The following ZNF385B variants were observed in gnomAD, a reference collection of about 807,000 sequenced individuals.
ZNF385B encodes the protein zinc finger protein 385B.
Under a neutral mutation model 39.2 loss-of-function variants are expected in ZNF385B, and 23 were observed. The observed-to-expected ratio is 0.59, with a 90% CI of 0.42 to 0.83. The LOEUF (loss-of-function observed/expected upper bound fraction) is 0.83. Ranked by LOEUF, ZNF385B falls within the 40% of genes least tolerant of loss-of-function variation. The pLI, the probability that ZNF385B is intolerant of heterozygous loss-of-function variation, is 0.00. For missense variants in ZNF385B, 552 were observed against 598.9 expected, an observed-to-expected ratio of 0.92 and a Z score of 0.82; for synonymous variants, 205 against 222.6, an observed-to-expected ratio of 0.92 and a Z score of 0.70.
intron 3 of ZNF385B, among the ~76,000 whole-genome samples, chr2:179,694,426 A>G (rs1698568735): frequency 6.6e-6 from 1 of 152,076 alleles, no homozygotes; most frequent in African/African-American, 2.4e-5. Flanking sequence ...ATTCCAGCAA[A>G]TTATGAAATT....
Position 179,719,887 on chromosome 2 carries a change from C to T in ZNF385B, c.298+49616G>A, listed in dbSNP as rs189000472. Reference sequence around the variant, plus strand: ...CCTGTGAATGTATTTTCCAAGTCCCCGCAAGGTATACACTCAGTTAAGAGG... The same window carrying T: ...CCTGTGAATGTATTTTCCAAGTCCCTGCAAGGTATACACTCAGTTAAGAGG... On this transcript the variant is annotated intron_variant, in intron 3 of 9. Transcript: ENST00000410066. Among the ~76,000 whole-genome samples the T allele has an allele frequency of 2.4e-4, 36 of 152,236 alleles. No individual in the cohort carries two copies. In the East Asian group the frequency reaches 6.2e-3, roughly 26 times the overall value.
At chr2:179,744,438 C>T (rs1462986842) in intron 3 of ZNF385B, among the ~76,000 whole-genome samples, 2 of 151,946 alleles carry the variant, frequency 1.3e-5, no homozygotes, top group African/African-American at 4.8e-5. Flanking sequence ...AACGAGAAAC[C>T]ATGTGCTCAG....
At chr2:179,630,240 T>G (rs1035635376) in intron 3 of ZNF385B, among the ~76,000 whole-genome samples, 1 of 152,238 alleles carries the variant, frequency 6.6e-6, no homozygotes, top group Non-Finnish European at 1.5e-5. Flanking sequence ...CTGTGCAGCC[T>G]AACTGGGAGA....
chr2:179,733,954 A>G (rs1253008123), intron 3 of ZNF385B, among the ~76,000 whole-genome samples: 1 of 152,094 alleles, frequency 6.6e-6, no homozygotes, highest in East Asian at 1.9e-4. Context: ...TCCTTCCCCC[A>G]TATGTATGTA....
intron 6 of ZNF385B, among the ~76,000 whole-genome samples, chr2:179,468,175 T>A (rs2052305089): frequency 6.6e-6 from 1 of 152,184 alleles, no homozygotes; most frequent in Non-Finnish European, 1.5e-5. Flanking sequence ...ACTATCTCCA[T>A]GTTGAAAGCT....
intron 1 of ZNF385B, among the ~76,000 whole-genome samples, chr2:179,808,725 T>C (rs1306154275): frequency 6.6e-6 from 1 of 152,240 alleles, no homozygotes; most frequent in South Asian, 2.1e-4. Context: ...GAGCATCTGT[T>C]ACTGTGTCTA....
chr2:179,476,733 A>G (rs1325108143), intron 6 of ZNF385B, among the ~76,000 whole-genome samples: 7 of 152,142 alleles, frequency 4.6e-5, no homozygotes, highest in African/African-American at 1.7e-4. Flanking sequence ...AGGCAGTTCT[A>G]TTTTTTTAAG....
chr2:179,691,645 AT>A (rs1698363285), intron 3 of ZNF385B, among the ~76,000 whole-genome samples: 1 of 152,196 alleles, frequency 6.6e-6, no homozygotes, highest in Non-Finnish European at 1.5e-5. Flanking sequence ...TGAAGTTTCA[AT>A]GAGTCTAGTA....
chr2:179,449,624 A>T (rs2049875312), intron 6 of ZNF385B, among the ~76,000 whole-genome samples: 1 of 152,178 alleles, frequency 6.6e-6, no homozygotes, highest in African/African-American at 2.4e-5. Flanking sequence ...ATGGAAGAAC[A>T]TTCCATGCTC....
chr2:179,454,976 G>C (rs2050522484), intron 6 of ZNF385B, among the ~76,000 whole-genome samples: 1 of 152,126 alleles, frequency 6.6e-6, no homozygotes. Flanking sequence ...TGAGCATATA[G>C]TGCTTATAAA....
intron 3 of ZNF385B, among the ~76,000 whole-genome samples, chr2:179,622,944 A>T (rs1690339587): frequency 6.6e-6 from 1 of 152,186 alleles, no homozygotes; most frequent in Admixed American, 6.5e-5. Context: ...AAGCCTTCAG[A>T]GGGCACACAC....
chr2:179,689,801 G>C (rs990048984), intron 3 of ZNF385B, among the ~76,000 whole-genome samples: 1 of 122,306 alleles, frequency 8.2e-6, no homozygotes, highest in Non-Finnish European at 1.8e-5. Context: ...GTGTGTGTGT[G>C]TGTGTGTGTG....
At chr2:179,719,529 G>A (rs1178799162) in intron 3 of ZNF385B, among the ~76,000 whole-genome samples, 1 of 152,140 alleles carries the variant, frequency 6.6e-6, no homozygotes, top group African/African-American at 2.4e-5. Flanking sequence ...CTTCAAGAAG[G>A]GAAAACCAAA....
At chr2:179,736,623 A>G (rs1701774647) in intron 3 of ZNF385B, among the ~76,000 whole-genome samples, 2 of 152,188 alleles carry the variant, frequency 1.3e-5, no homozygotes, top group Non-Finnish European at 2.9e-5. Context: ...GCTTTTAATC[A>G]TCATTCCAGA....
At chr2:179,638,045 TCAA>T (rs1327167548) in intron 3 of ZNF385B, among the ~76,000 whole-genome samples, 1 of 152,152 alleles carries the variant, frequency 6.6e-6, no homozygotes, top group African/African-American at 2.4e-5. Flanking sequence ...ACAGATTAAA[TCAA>T]CAACGTTGGA....
intron 5 of ZNF385B, among the ~76,000 whole-genome samples, chr2:179,493,487 A>C (rs2055503754): frequency 1.0e-5 from 1 of 99,944 alleles, no homozygotes; most frequent in Admixed American, 1.2e-4. Context: ...ACACATATGT[A>C]TAAACGTGTG....
At chr2:179,739,513 C>T (rs185419605) in intron 3 of ZNF385B, among the ~76,000 whole-genome samples, 10 of 152,256 alleles carry the variant, frequency 6.6e-5, no homozygotes, top group Non-Finnish European at 1.0e-4. Flanking sequence ...CAGTTTGAGT[C>T]TTAGCTATCG....
intron 3 of ZNF385B, among the ~76,000 whole-genome samples, chr2:179,584,559 A>G (rs1387108785): frequency 1.3e-5 from 2 of 152,208 alleles, no homozygotes; most frequent in African/African-American, 4.8e-5. Flanking sequence ...GCAAAGACTC[A>G]GAGTTTATAA....
chr2:179,493,792 T>TACATATGTGTATATACATATATGTAG (rs2055816554), intron 5 of ZNF385B, among the ~76,000 whole-genome samples: 1 of 144,712 alleles, frequency 6.9e-6, no homozygotes, highest in African/African-American at 2.5e-5. Flanking sequence ...CACATATGTA[T>TACATATGTGTATATACATATATGTAG]ACATATATGT....
Sources: gnomAD v4.1 joint callset for allele counts (sites outside exome capture counted in the v4.1 genomes callset) on GRCh38, gnomAD v4.1.1 for gene constraint, MANE v1.5 for transcripts, NCBI Gene and HGNC (gene_info 2026-07-23, HGNC 2026-07-21) for gene names.